The following MVB12B variants were observed in gnomAD, a reference collection of about 807,000 sequenced individuals.
MVB12B encodes ESCRT-I complex subunit MVB12B.
MVB12B carries 16 observed loss-of-function variants against 41.6 expected under a neutral mutation model. The ratio of observed to expected loss-of-function variants is 0.38; its 90% CI spans 0.26 to 0.58. The LOEUF is 0.58. MVB12B is among the 20% of genes least tolerant of loss of function. The pLI is 0.62. For missense variants in MVB12B, 274 were observed against 380.2 expected, an observed-to-expected ratio of 0.72 and a Z score of 2.32; for synonymous variants, 133 against 139.7, an observed-to-expected ratio of 0.95 and a Z score of 0.34.
intron 7 of MVB12B, among the ~76,000 whole-genome samples, chr9:126,449,132 G>C (rs1832845054): frequency 6.6e-6 from 1 of 152,172 alleles, no homozygotes; most frequent in African/African-American, 2.4e-5. Context: ...CGTTCACTGG[G>C]CAGTTACTGA....
rs1339851315 is a variant in MVB12B at position 126,381,186 on chromosome 9, A to C, written c.312+15A>C. 3 of 1,571,106 alleles carry C rather than the reference A, an allele frequency of 1.9e-6. No homozygotes were observed. The African/African-American group carries it at 4.0e-5, about 21-fold the overall frequency. The stretch of plus-strand genomic sequence containing the variant: ...CCAAAGAAAATGTAAGTCTAGTCGT[A>C]GTTTCCATTTGCTGAGTGAGCACAA... On this transcript the variant is annotated intron_variant, in intron 3 of 9. Transcript: ENST00000361171.
Position 126,436,826 on chromosome 9 carries a change from G to T in MVB12B, c.757+14878G>T. ...CTTCCTGGGTCAATTTTTTAAAAGC[G>T]AATTGCTCACAACATTTGCTTTCTT... On this transcript the variant is annotated intron_variant, in intron 7 of 9. Transcript: ENST00000361171. The surrounding 1 kb of genome is among the most constrained non-coding windows in gnomAD (Gnocchi z 4.1). Among the ~76,000 whole-genome samples the T allele has an allele frequency of 6.6e-6, 1 of 152,296 alleles. No homozygotes were observed. Among genetic ancestry groups the T allele is most frequent in the Middle Eastern group, 3.4e-3 (1 of 294 alleles).
rs1830815711 is a variant in MVB12B, at chr9:126,387,023, CAA to C, written c.409+368_409+369del. 2.0e-5 allele frequency among the ~76,000 whole-genome samples: 3 copies of C among 152,142 alleles called. No individual in the cohort carries two copies. The South Asian group carries it at 6.2e-4, about 31-fold the overall frequency. Reference sequence around the variant, plus strand: ...CAGAAGGAAGCGGAAAGAAAACAATCAAAAGACGCCCAGAGAACACAAGGCCA... The same window carrying C: ...CAGAAGGAAGCGGAAAGAAAACAATCAAGACGCCCAGAGAACACAAGGCCA... On this transcript the variant is annotated intron_variant, in intron 4 of 9. Transcript: ENST00000361171.
intron 6 of MVB12B, among the ~76,000 whole-genome samples, chr9:126,414,688 T>G (rs902285500): frequency 1.3e-5 from 2 of 152,034 alleles, no homozygotes; most frequent in African/African-American, 4.8e-5. Context: ...GCTGGGGAGC[T>G]TTATGAACTC....
At position 126,331,170 on chromosome 9, in the gene MVB12B, C is replaced by T. The variant is rs559241492; in HGVS notation, c.81+4160C>T. Among the ~76,000 whole-genome samples, 86 of 152,266 alleles carry T rather than the reference C, an allele frequency of 5.6e-4. 1 individual carries two copies. The highest frequency in any genetic ancestry group is 3.4e-3 in the Middle Eastern group (1 of 294). ...TGGTAATTCTATTTATAATTTTCTG[C>T]GGAACCACCACACTGTTTTCCATAA... On this transcript the variant is annotated intron_variant, in intron 1 of 9. Transcript: ENST00000361171.
At chr9:126,431,594 C>G (rs894281763) in intron 7 of MVB12B, among the ~76,000 whole-genome samples, 1 of 152,182 alleles carries the variant, frequency 6.6e-6, no homozygotes, top group Non-Finnish European at 1.5e-5. Flanking sequence ...CGGCCACCTT[C>G]CCACTGTGCT....
rs145774294 is a variant in MVB12B at position 126,333,487 on chromosome 9, C to G, written c.81+6477C>G. Among the ~76,000 whole-genome samples, 58 of 152,318 alleles carry G rather than the reference C, an allele frequency of 3.8e-4. No individual in the cohort carries two copies. Among genetic ancestry groups the G allele is most frequent in the Middle Eastern group, 3.4e-3 (1 of 294 alleles). On this transcript the variant is annotated intron_variant, in intron 1 of 9. Coordinates refer to ENST00000361171, the MANE Select transcript of MVB12B (RefSeq NM_033446.3). The surrounding 1 kb of genome is among the most constrained non-coding windows in gnomAD (Gnocchi z 4.7). Reference sequence around the variant, plus strand: ...TGGCACCATCTCAGCTCACTGCAACCTCCACCTCCTGGGTTTAAGCGATTC... The same window carrying G: ...TGGCACCATCTCAGCTCACTGCAACGTCCACCTCCTGGGTTTAAGCGATTC...
intron 7 of MVB12B, among the ~76,000 whole-genome samples, chr9:126,472,921 G>A (rs181125686): frequency 1.3e-5 from 2 of 152,208 alleles, no homozygotes; most frequent in East Asian, 1.9e-4. Flanking sequence ...GAGGTAGCTC[G>A]ATGCTGTGGA....
intron 2 of MVB12B, among the ~76,000 whole-genome samples, chr9:126,375,434 G>T (rs867656819): frequency 2.8e-5 from 4 of 142,570 alleles, no homozygotes; most frequent in Non-Finnish European, 6.0e-5. Flanking sequence ...CTCTAAGGCA[G>T]TTGTCACATG....
rs768606870 is a variant in MVB12B at position 126,421,993 on chromosome 9, C to T, written c.757+45C>T. On this transcript the variant is annotated intron_variant, in intron 7 of 9. Coordinates refer to ENST00000361171, the MANE Select transcript of MVB12B (RefSeq NM_033446.3). ...CAGGCCAGCTACAGAGTCTGTGTCCCGGGCGCCACCTCCTTCCACACGTTC... is the reference window on the plus strand; with the variant it reads ...CAGGCCAGCTACAGAGTCTGTGTCCTGGGCGCCACCTCCTTCCACACGTTC... 20 of 1,365,838 alleles carry T rather than the reference C, an allele frequency of 1.5e-5. 1 individual carries two copies. Among genetic ancestry groups the T allele is most frequent in the South Asian group, 1.2e-4 (10 of 83,732 alleles). The allele number at this position is 1,365,838 out of a possible 1,614,324, so 84.6% of individuals were successfully genotyped here. A position where few individuals can be genotyped will look rare whatever the true frequency, so the allele number is the denominator to read the frequency against.
intron 2 of MVB12B, among the ~76,000 whole-genome samples, chr9:126,380,732 C>T (rs1830611557): frequency 6.6e-6 from 1 of 152,208 alleles, no homozygotes; most frequent in South Asian, 2.1e-4. Context: ...GCACCATCCC[C>T]CCGAGTAAGT....
chr9:126,487,920 A>G (rs1833654170), intron 9 of MVB12B, among the ~76,000 whole-genome samples: 1 of 152,226 alleles, frequency 6.6e-6, no homozygotes, highest in Non-Finnish European at 1.5e-5. Context: ...AGCTCCACAG[A>G]GTTTTTCATT....
At chr9:126,363,353 A>G (rs1410314332) in intron 2 of MVB12B, among the ~76,000 whole-genome samples, 1 of 152,200 alleles carries the variant, frequency 6.6e-6, no homozygotes, top group African/African-American at 2.4e-5. Flanking sequence ...ATGGGAAATT[A>G]TGTGATTACA....
intron 7 of MVB12B, 102 bp downstream of exon 7, chr9:126,422,050 C>T (rs1471005143): frequency 1.2e-6 from 1 of 836,872 alleles, no homozygotes; most frequent in East Asian, 2.5e-5. Flanking sequence ...TCTGCCTTAC[C>T]TCTCTTTTCT....
intron 1 of MVB12B, chr9:126,327,221 C>T (rs931251608): frequency 5.1e-6 from 5 of 983,824 alleles, no homozygotes; most frequent in Admixed American, 1.2e-4. Flanking sequence ...TGCCGGTGCC[C>T]GGGCTCGGCC....
chr9:126,487,382 G>A (rs982258606), intron 9 of MVB12B, among the ~76,000 whole-genome samples: 6 of 152,146 alleles, frequency 3.9e-5, no homozygotes, highest in Non-Finnish European at 5.9e-5. Flanking sequence ...CCACTGTCCC[G>A]CTGCTCTGTT....
intron 9 of MVB12B, among the ~76,000 whole-genome samples, chr9:126,491,364 T>C (rs1290453824): frequency 6.6e-6 from 1 of 152,220 alleles, no homozygotes; most frequent in African/African-American, 2.4e-5. Context: ...ATGTTCCTAT[T>C]CCCGCACAAT....
intron 3 of MVB12B, among the ~76,000 whole-genome samples, chr9:126,384,891 C>G (rs906921996): frequency 7.0e-6 from 1 of 141,922 alleles, no homozygotes; most frequent in Non-Finnish European, 1.5e-5. Flanking sequence ...GGCTGAAGTA[C>G]AGAGGCATGA....
intron 2 of MVB12B, among the ~76,000 whole-genome samples, chr9:126,380,443 G>A (rs144181412): frequency 6.6e-6 from 1 of 152,282 alleles, no homozygotes; most frequent in African/African-American, 2.4e-5. Context: ...TGGCTTCTTA[G>A]TGAGACTAGA....
Sources: gnomAD v4.1 joint callset for allele counts (sites outside exome capture counted in the v4.1 genomes callset) on GRCh38, gnomAD v4.1.1 for gene constraint, Gnocchi (gnomAD v3.1) non-coding constraint, MANE v1.5 for transcripts, NCBI Gene and HGNC (gene_info 2026-07-23, HGNC 2026-07-21) for gene names.